ZNF536: variants seen among roughly 807,000 people sequenced by gnomAD.
ZNF536 encodes the protein zinc finger protein 536.
In ZNF536, 13 loss-of-function variants were observed where a neutral mutation model predicts 84.5. The observed-to-expected ratio is 0.15, with a 90% CI of 0.10 to 0.24. The LOEUF is 0.24. Ranked by LOEUF, ZNF536 falls within the 10% of genes least tolerant of loss-of-function variation. The pLI is 1.00. For synonymous variants in ZNF536, 811 were observed against 742.5 expected, an observed-to-expected ratio of 1.09 and a Z score of -1.50; for missense variants, 1,536 against 1,747.5, an observed-to-expected ratio of 0.88 and a Z score of 2.16.
chr19:30,453,109 C>T (rs769671927), intron 2 of ZNF536, among the ~76,000 whole-genome samples: 1 of 152,152 alleles, frequency 6.6e-6, no homozygotes, highest in Non-Finnish European at 1.5e-5. Context: ...TTTACTTAAG[C>T]TGTGGAGTCT....
At chr19:30,457,287 A>G (rs1340592298) in intron 2 of ZNF536, among the ~76,000 whole-genome samples, 2 of 152,232 alleles carry the variant, frequency 1.3e-5, no homozygotes, top group Admixed American at 6.5e-5. Context: ...CCTCTGTAGA[A>G]TTAGGCCAAT....
chr19:30,383,828 CTCCTTCTTTCCT>C (rs1434214301), intron 1 of ZNF536, among the ~76,000 whole-genome samples: 1,816 of 128,020 alleles, frequency 0.014, 52 homozygotes, highest in African/African-American at 0.052. Context: ...TTCTTTCTTT[CTCCTTCTTTCCT>C]TCCTTCCTTC....
At chr19:30,630,400 C>T (rs567858407) in intron 1 of ZNF536, among the ~76,000 whole-genome samples, 1 of 149,898 alleles carries the variant, frequency 6.7e-6, no homozygotes, top group African/African-American at 2.5e-5. Flanking sequence ...GGAAGTATCC[C>T]GTGTGTGTGT....
At chr19:30,707,997 T>G in intron 1 of ZNF536, among the ~76,000 whole-genome samples, 1 of 132,774 alleles carries the variant, frequency 7.5e-6, no homozygotes, top group African/African-American at 2.8e-5. Flanking sequence ...GGTAACAGAG[T>G]GAGACTCCAT....
intron 2 of ZNF536, among the ~76,000 whole-genome samples, chr19:30,311,303 G>T (rs376226849): frequency 3.0e-4 from 46 of 152,294 alleles, no homozygotes; most frequent in African/African-American, 1.1e-3. Context: ...CCCCAAAAAG[G>T]CAGGTGCCCT....
At chr19:30,567,114 G>T (rs934228106) in intron 1 of ZNF536, among the ~76,000 whole-genome samples, 1 of 152,236 alleles carries the variant, frequency 6.6e-6, no homozygotes, top group Non-Finnish European at 1.5e-5. Context: ...GTGCTTTTCT[G>T]TGCCTTTAAT....
intron 1 of ZNF536, among the ~76,000 whole-genome samples, chr19:30,663,078 A>G (rs925347517): frequency 5.3e-5 from 8 of 151,242 alleles, no homozygotes; most frequent in Non-Finnish European, 1.2e-4. Context: ...ACTTCCTGAA[A>G]TCAGCCAATA....
intron 1 of ZNF536, among the ~76,000 whole-genome samples, chr19:30,443,357 G>A (rs1045206877): frequency 5.3e-5 from 8 of 152,200 alleles, no homozygotes; most frequent in Non-Finnish European, 1.0e-4. Flanking sequence ...ACGATCTGTC[G>A]CCAAAACAAA....
At chr19:30,614,977 C>T (rs1371322145) in intron 1 of ZNF536, among the ~76,000 whole-genome samples, 6 of 22,526 alleles carry the variant, frequency 2.7e-4, no homozygotes, top group Non-Finnish European at 4.7e-4. Flanking sequence ...GGCGGAGTTT[C>T]GCTCTGTCGC....
upstream of ZNF536, among the ~76,000 whole-genome samples, chr19:30,368,913 C>T (rs2048523798): frequency 6.6e-6 from 1 of 152,158 alleles, no homozygotes. Flanking sequence ...CCTGATGTGG[C>T]TCTCAGGCCT....
chr19:30,620,288 G>T (rs1353185081), intron 1 of ZNF536, among the ~76,000 whole-genome samples: 14 of 151,900 alleles, frequency 9.2e-5, no homozygotes, highest in Admixed American at 1.3e-4. Context: ...TTAAAATAAA[G>T]GTTCTGGGTC....
upstream of ZNF536, among the ~76,000 whole-genome samples, chr19:30,372,159 G>A (rs557133713): frequency 6.6e-6 from 1 of 152,342 alleles, no homozygotes; most frequent in East Asian, 1.9e-4. Context: ...GTCCAAAGAT[G>A]GGCCCTAATT....
chr19:30,319,478 C>T (rs2146221408), intron 2 of ZNF536, among the ~76,000 whole-genome samples: 1 of 152,236 alleles, frequency 6.6e-6, no homozygotes, highest in Admixed American at 6.5e-5. Flanking sequence ...GTACAATTTG[C>T]AAAATTGTGA....
intron 1 of ZNF536, among the ~76,000 whole-genome samples, chr19:30,236,897 A>G (rs1027208040): frequency 2.6e-5 from 4 of 152,182 alleles, no homozygotes; most frequent in Non-Finnish European, 5.9e-5. Context: ...GTCAAGTAAT[A>G]TATTCCAGAT....
chr19:30,382,799 G>A (rs58996344), intron 1 of ZNF536, among the ~76,000 whole-genome samples: 10,405 of 152,034 alleles, frequency 0.068, 1,200 homozygotes, highest in African/African-American at 0.24. Context: ...AAATTCCTGC[G>A]GTGGGCGGCT....
chr19:30,318,958 T>G (rs2046769622), intron 2 of ZNF536, among the ~76,000 whole-genome samples: 1 of 152,238 alleles, frequency 6.6e-6, no homozygotes, highest in Non-Finnish European at 1.5e-5. Flanking sequence ...GGCATTGGTT[T>G]TAACAAATAA....
intron 2 of ZNF536, among the ~76,000 whole-genome samples, chr19:30,311,485 G>A (rs1036461309): frequency 6.6e-6 from 1 of 152,214 alleles, no homozygotes; most frequent in African/African-American, 2.4e-5. Context: ...CCCTAGGCAG[G>A]TGCTTAGCCT....
At chr19:30,610,989 G>A (rs1023688599) in intron 1 of ZNF536, among the ~76,000 whole-genome samples, 4 of 152,210 alleles carry the variant, frequency 2.6e-5, no homozygotes, top group African/African-American at 9.6e-5. Flanking sequence ...TCGCTCAGTT[G>A]TGGCATTTTT....
chr19:30,532,072 T>C (rs1299367606), intron 2 of ZNF536, among the ~76,000 whole-genome samples: 1 of 152,078 alleles, frequency 6.6e-6, no homozygotes, highest in East Asian at 1.9e-4. Flanking sequence ...GAAGAAGCTT[T>C]ATGGGAAGGT....
Sources: allele counts gnomAD v4.1 joint callset (sites outside exome capture counted in the v4.1 genomes callset), GRCh38; gene constraint gnomAD v4.1.1; transcripts MANE v1.5; gene names NCBI Gene and HGNC (gene_info 2026-07-23, HGNC 2026-07-21).